Variants in AP2B1 observed in about 807,000 individuals in gnomAD.
AP2B1 encodes adaptor related protein complex 2 subunit beta 1.
AP2B1 carries 23 observed loss-of-function variants against 102.0 expected under a neutral mutation model. That is an observed-to-expected ratio of 0.23 (90% CI 0.16 to 0.32). The LOEUF (loss-of-function observed/expected upper bound fraction) is 0.32. Ranked by LOEUF, AP2B1 falls within the 10% of genes least tolerant of loss-of-function variation. The pLI is 1.00. For synonymous variants in AP2B1, 381 were observed against 421.2 expected (o/e 0.90, Z 1.17); for missense variants, 541 against 1,157.4 (o/e 0.47, Z 7.73).
At chr17:35,711,562 G>A (rs587608226) in intron 20 of AP2B1, among the ~76,000 whole-genome samples, 3 of 151,900 alleles carry the variant, frequency 2.0e-5, no homozygotes, top group African/African-American at 2.4e-5. Flanking sequence ...TCCGCCTCCC[G>A]GGTTCATGCC....
chr17:35,625,462 A>G (rs2074289120), intron 6 of AP2B1, among the ~76,000 whole-genome samples: 1 of 152,106 alleles, frequency 6.6e-6, no homozygotes, highest in Non-Finnish European at 1.5e-5. Context: ...TTTACTGAGA[A>G]TTTTATTTTC....
At chr17:35,647,551 C>A (rs989613996) in intron 12 of AP2B1, among the ~76,000 whole-genome samples, 2 of 151,956 alleles carry the variant, frequency 1.3e-5, no homozygotes, top group African/African-American at 4.8e-5. Context: ...TAGAATAATG[C>A]AAGTTATAAA....
chr17:35,652,842 T>C (rs545582323), intron 13 of AP2B1, among the ~76,000 whole-genome samples: 5 of 152,340 alleles, frequency 3.3e-5, no homozygotes, highest in Admixed American at 3.3e-4. Context: ...ATGTGTTCTG[T>C]CACATTTTCT....
intron 5 of AP2B1, among the ~76,000 whole-genome samples, chr17:35,620,268 G>A (rs2074136027): frequency 6.6e-6 from 1 of 151,626 alleles, no homozygotes; most frequent in Non-Finnish European, 1.5e-5. Flanking sequence ...ACTGCATGAG[G>A]CCAGGAATTT....
At chr17:35,693,562 A>G (rs1433705630) in intron 18 of AP2B1, among the ~76,000 whole-genome samples, 1 of 152,172 alleles carries the variant, frequency 6.6e-6, no homozygotes, top group Non-Finnish European at 1.5e-5. Flanking sequence ...CTAATTTTAG[A>G]AGAAAATCCA....
At chr17:35,609,021 G>A (rs1036603472) in intron 5 of AP2B1, among the ~76,000 whole-genome samples, 7 of 152,158 alleles carry the variant, frequency 4.6e-5, no homozygotes, top group Non-Finnish European at 1.0e-4. Flanking sequence ...TGAATATATT[G>A]GATGGGTCAT....
intron 21 of AP2B1, among the ~76,000 whole-genome samples, chr17:35,720,119 G>A (rs1555592012): frequency 6.6e-6 from 1 of 152,116 alleles, no homozygotes; most frequent in African/African-American, 2.4e-5. Context: ...GACGGGCTGG[G>A]CACAGGATGA....
intron 13 of AP2B1, among the ~76,000 whole-genome samples, chr17:35,653,424 G>A (rs1423612467): frequency 6.6e-6 from 1 of 152,098 alleles, no homozygotes; most frequent in Admixed American, 6.6e-5. Flanking sequence ...TACTTCTCTA[G>A]CTCTGACTGC....
At chr17:35,665,404 G>A (rs1336456700) in intron 14 of AP2B1, among the ~76,000 whole-genome samples, 2 of 152,118 alleles carry the variant, frequency 1.3e-5, no homozygotes. Flanking sequence ...GGGATTATAA[G>A]TGTGAGCCAC....
intron 13 of AP2B1, among the ~76,000 whole-genome samples, chr17:35,651,890 TA>T (rs1332291302): frequency 6.6e-6 from 1 of 152,192 alleles, no homozygotes; most frequent in African/African-American, 2.4e-5. Flanking sequence ...TAACATTCTA[TA>T]GATGAGACTA....
chr17:35,615,414 C>G (rs986699229), intron 5 of AP2B1, among the ~76,000 whole-genome samples: 1 of 152,140 alleles, frequency 6.6e-6, no homozygotes, highest in Non-Finnish European at 1.5e-5. Context: ...TTGTTATAAT[C>G]TTCATTTAGG....
At chr17:35,593,682 G>A (rs1249052181) in intron 1 of AP2B1, among the ~76,000 whole-genome samples, 2 of 152,196 alleles carry the variant, frequency 1.3e-5, no homozygotes, top group African/African-American at 4.8e-5. Context: ...TGAATGGAAA[G>A]TAATTGCAGA....
intron 18 of AP2B1, among the ~76,000 whole-genome samples, chr17:35,690,665 G>A (rs1385128882): frequency 3.3e-5 from 5 of 152,188 alleles, no homozygotes; most frequent in Admixed American, 2.6e-4. Context: ...TTCCAGAGGT[G>A]CTACCAGTCC....
intron 21 of AP2B1, among the ~76,000 whole-genome samples, chr17:35,719,288 A>G (rs987830976): frequency 7.2e-5 from 11 of 152,046 alleles, no homozygotes; most frequent in African/African-American, 2.2e-4. Context: ...GGATAGTACT[A>G]TGAACTCTTA....
chr17:35,589,921 C>CTTT (rs1414757796), intron 1 of AP2B1, among the ~76,000 whole-genome samples: 2 of 133,784 alleles, frequency 1.5e-5, no homozygotes, highest in African/African-American at 5.7e-5. Context: ...TTTTCTGTAA[C>CTTT]TTCTTTTTTT....
intron 4 of AP2B1, chr17:35,607,836 G>A (rs538922835): frequency 1.1e-3 from 215 of 192,258 alleles, no homozygotes; most frequent in Middle Eastern, 2.0e-3. Flanking sequence ...CCTGTTTTTA[G>A]GGTAGATCCT....
chr17:35,684,723 C>T (rs1441630942), intron 18 of AP2B1, among the ~76,000 whole-genome samples: 1 of 152,154 alleles, frequency 6.6e-6, no homozygotes. Context: ...TAACCCAAAT[C>T]TACATCTGTT....
chr17:35,587,323 G>A lies in AP2B1; in HGVS notation c.-129G>A, dbSNP rs1334501988. 6.6e-6 allele frequency: 1 copy of A among 152,266 alleles called. No individual in the cohort carries two copies. Among genetic ancestry groups the A allele is most frequent in the African/African-American group, 2.4e-5 (1 of 41,464 alleles). 9.4% of individuals were successfully genotyped at this position (152,266 alleles called of 1,614,324 possible). ...AAAGTGGGTTTTGCGCAGTGGCTTA[G>A]ACCTAGAAAAGAATCGTGACGGGCA... On this transcript the variant is annotated 5_prime_UTR_variant, in exon 1 of 22. Coordinates refer to ENST00000610402, the MANE Select transcript of AP2B1 (RefSeq NM_001030006.2).
intron 17 of AP2B1, among the ~76,000 whole-genome samples, chr17:35,677,760 G>A (rs888738778): frequency 1.7e-4 from 26 of 151,654 alleles, no homozygotes; most frequent in African/African-American, 5.8e-4. Flanking sequence ...CTCTGTTTAG[G>A]TCTTTAATTT....
Sources: allele counts gnomAD v4.1 joint callset (sites outside exome capture counted in the v4.1 genomes callset), GRCh38; gene constraint gnomAD v4.1.1; transcripts MANE v1.5; gene names NCBI Gene and HGNC (gene_info 2026-07-23, HGNC 2026-07-21).